IGF2BP1: variants seen among roughly 807,000 people sequenced by gnomAD.
IGF2BP1 encodes insulin like growth factor 2 mRNA binding protein 1.
A neutral mutation model predicts 74.9 loss-of-function variants in IGF2BP1; 11 were observed. That is an observed-to-expected ratio of 0.15 (90% CI 0.09 to 0.24). The LOEUF (loss-of-function observed/expected upper bound fraction) is 0.24, where lower values mean the gene tolerates loss of function less well. Ranked by LOEUF, IGF2BP1 falls within the 10% of genes least tolerant of loss-of-function variation. IGF2BP1 has a pLI of 1.00. For missense variants in IGF2BP1, 440 were observed against 757.4 expected (o/e 0.58, Z 4.92); for synonymous variants, 287 against 281.8 (o/e 1.02, Z -0.18).
Position 49,055,673 on chromosome 17 carries a change from ATC to A in IGF2BP1, c.*6231_*6232del. On this transcript the variant is annotated 3_prime_UTR_variant, in exon 15 of 15. Transcript: ENST00000290341. Reference sequence around the variant, plus strand: ...ATTTGGAGTCTCCCTTTTCTCCAGGATCTTGATCCTGGTCCCCAAAACCAGAG... The same window carrying A: ...ATTTGGAGTCTCCCTTTTCTCCAGGATTGATCCTGGTCCCCAAAACCAGAG... 2 of 398,516 alleles carry A rather than the reference ATC, an allele frequency of 5.0e-6. 1 individual carries two copies. The highest frequency in any genetic ancestry group is 2.5e-4 in the South Asian group (2 of 7,852). 24.7% of individuals were successfully genotyped at this position (398,516 alleles called of 1,614,324 possible).
At chr17:49,015,434 G>A (rs529829421) in intron 2 of IGF2BP1, among the ~76,000 whole-genome samples, 68 of 152,322 alleles carry the variant, frequency 4.5e-4, no homozygotes, top group African/African-American at 1.6e-3. Flanking sequence ...GACCCCCGGG[G>A]GAAGATTCCG....
chr17:49,000,223 C>A (rs1009666824), intron 2 of IGF2BP1, among the ~76,000 whole-genome samples: 2 of 152,160 alleles, frequency 1.3e-5, no homozygotes, highest in African/African-American at 2.4e-5. Flanking sequence ...CCTCACCCCC[C>A]ATTTCAGCTG....
intron 11 of IGF2BP1, among the ~76,000 whole-genome samples, chr17:49,044,566 G>A (rs574797258): frequency 6.6e-4 from 100 of 152,376 alleles, no homozygotes; most frequent in African/African-American, 2.4e-3. Context: ...CAAGGATGCT[G>A]TTAGAGTTTC....
At chr17:49,008,656 C>T (rs1268210619) in intron 2 of IGF2BP1, among the ~76,000 whole-genome samples, 1 of 152,182 alleles carries the variant, frequency 6.6e-6, no homozygotes, top group Admixed American at 6.5e-5. Flanking sequence ...TGTCTAGGCC[C>T]AAACTCCTTT....
chr17:49,019,904 T>TTATATATATATATATA (rs60753189), intron 2 of IGF2BP1, among the ~76,000 whole-genome samples: 8 of 43,900 alleles, frequency 1.8e-4, no homozygotes, highest in Admixed American at 3.3e-4. Context: ...CCTGGCTAAT[T>TTATATATATATATATA]TATATATATA....
chr17:49,035,378 G>T (rs1367952373), intron 5 of IGF2BP1, among the ~76,000 whole-genome samples: 1 of 152,260 alleles, frequency 6.6e-6, no homozygotes, highest in Non-Finnish European at 1.5e-5. Context: ...CAGTTGATGA[G>T]ACTTAGGTCT....
Position 49,004,141 on chromosome 17 carries a change from G to A in IGF2BP1, c.236+4972G>A, listed in dbSNP as rs1440011722. Among the ~76,000 whole-genome samples, 7 of 152,266 alleles carry A rather than the reference G, an allele frequency of 4.6e-5. No homozygotes were observed. The East Asian group carries it at 1.4e-3, about 29-fold the overall frequency. ...CCGCCCGCCTGCCTTCTCTTAACAA[G>A]CCCCTGACAGAGAACATCCGCTGGC... is the stretch of plus-strand genomic sequence containing the variant. On this transcript the variant is annotated intron_variant, in intron 2 of 14. Transcript: ENST00000290341.
At chr17:49,001,733 T>C (rs980025499) in intron 2 of IGF2BP1, among the ~76,000 whole-genome samples, 19 of 152,148 alleles carry the variant, frequency 1.2e-4, no homozygotes, top group African/African-American at 4.6e-4. Flanking sequence ...GTTGAGAATT[T>C]GTATATGTTC....
intron 2 of IGF2BP1, chr17:49,014,136 C>T (rs2041660715): frequency 6.5e-6 from 1 of 152,858 alleles, no homozygotes; most frequent in African/African-American, 2.4e-5. Context: ...ACGAGGGCGC[C>T]CCTCCCCCGC....
chr17:49,037,035 T>A, intron 5 of IGF2BP1: 1 of 221,708 alleles, frequency 4.5e-6, no homozygotes. Context: ...TATGGAGGGG[T>A]TTCAGTTGTG....
intron 2 of IGF2BP1, among the ~76,000 whole-genome samples, chr17:48,999,949 T>TGTGTGTGTGTGTGTGTGTTC (rs1555593982): frequency 4.0e-5 from 6 of 151,284 alleles, no homozygotes; most frequent in African/African-American, 1.5e-4. Flanking sequence ...TGTGTGTGTG[T>TGTGTGTGTGTGTGTGTGTTC]GTGTGTGTGT....
chr17:49,042,035 T>A (rs1449538774), intron 8 of IGF2BP1, among the ~76,000 whole-genome samples: 3 of 152,168 alleles, frequency 2.0e-5, no homozygotes, highest in Non-Finnish European at 2.9e-5. Flanking sequence ...GAGTTTGAGT[T>A]AGGTGTTGGC....
chr17:49,034,727 A>G (rs1321604288), intron 5 of IGF2BP1, among the ~76,000 whole-genome samples: 1 of 146,144 alleles, frequency 6.8e-6, no homozygotes, highest in Non-Finnish European at 1.5e-5. Flanking sequence ...ACAGAGTAAG[A>G]CCCTGTCTCA....
chr17:49,042,443 G>A, intron 9 of IGF2BP1, 66 bp downstream of exon 9: 7 of 1,569,990 alleles, frequency 4.5e-6, no homozygotes, highest in Middle Eastern at 1.7e-4. Flanking sequence ...CTTGTGGGGT[G>A]CAGGGTGATG....
intron 5 of IGF2BP1, among the ~76,000 whole-genome samples, chr17:49,033,490 G>T (rs2041947917): frequency 6.6e-6 from 1 of 151,898 alleles, no homozygotes; most frequent in Admixed American, 6.6e-5. Context: ...TAACAGGTGT[G>T]GACCACCACA....
At chr17:49,005,416 C>T (rs1208455993) in intron 2 of IGF2BP1, among the ~76,000 whole-genome samples, 2 of 152,102 alleles carry the variant, frequency 1.3e-5, no homozygotes, top group African/African-American at 2.4e-5. Flanking sequence ...GCAAACAGCT[C>T]GATGATTAAG....
intron 2 of IGF2BP1, among the ~76,000 whole-genome samples, chr17:49,003,017 T>C (rs975138750): frequency 6.6e-6 from 1 of 152,140 alleles, no homozygotes; most frequent in African/African-American, 2.4e-5. Context: ...AATTTTACCA[T>C]AATGGTTTCT....
chr17:49,041,203 T>C (rs1463110681), intron 7 of IGF2BP1, among the ~76,000 whole-genome samples, 175 bp from the exon 8 acceptor site: 1 of 152,170 alleles, frequency 6.6e-6, no homozygotes, highest in Non-Finnish European at 1.5e-5. Context: ...ATTGGCTTTA[T>C]TGATGTTCAA....
At chr17:49,024,429 AAT>A (rs951046508) in intron 2 of IGF2BP1, among the ~76,000 whole-genome samples, 1 of 151,962 alleles carries the variant, frequency 6.6e-6, no homozygotes, top group African/African-American at 2.4e-5. Flanking sequence ...TAATAATGAT[AAT>A]AAAGATGGAA....
Sources: gnomAD v4.1 joint callset for allele counts (sites outside exome capture counted in the v4.1 genomes callset) on GRCh38, gnomAD v4.1.1 for gene constraint, MANE v1.5 for transcripts, NCBI Gene and HGNC (gene_info 2026-07-23, HGNC 2026-07-21) for gene names.